ADAM18: variants seen among roughly 807,000 people sequenced by gnomAD.
ADAM18 encodes the protein disintegrin and metalloproteinase domain-containing protein 18.
A neutral mutation model predicts 94.4 loss-of-function variants in ADAM18; 117 were observed. The observed-to-expected ratio is 1.24, with a 90% CI of 1.07 to 1.45. The LOEUF (loss-of-function observed/expected upper bound fraction) is 1.45. ADAM18 is among the 40% of genes most tolerant of loss of function. The probability of loss-of-function intolerance (pLI) is 0.00; values close to 1 mark genes in which losing one functional copy is unlikely to be tolerated. For missense variants in ADAM18, 936 were observed against 880.0 expected (o/e 1.06, Z -0.81); for synonymous variants, 327 against 291.6 (o/e 1.12, Z -1.24).
intron 18 of ADAM18, among the ~76,000 whole-genome samples, chr8:39,716,219 T>A (rs1178025112): frequency 1.3e-5 from 2 of 151,874 alleles, no homozygotes; most frequent in African/African-American, 4.8e-5. Context: ...ATACTTGCTA[T>A]TTTTTTTCTG....
intron 19 of ADAM18, among the ~76,000 whole-genome samples, chr8:39,724,588 A>AC (rs1822848840): frequency 6.6e-6 from 1 of 151,584 alleles, no homozygotes; most frequent in Non-Finnish European, 1.5e-5. Context: ...TTTCTTATCT[A>AC]CTTTTTTTTC....
chr8:39,617,487 G>A (rs913759873), intron 6 of ADAM18, among the ~76,000 whole-genome samples: 1 of 152,046 alleles, frequency 6.6e-6, no homozygotes, highest in Non-Finnish European at 1.5e-5. Context: ...CCATTATTGG[G>A]TATATACCCA....
rs1203550830 is a variant in ADAM18, at chr8:39,586,800, CTA to C, written c.132+1452_132+1453del. On this transcript the variant is annotated intron_variant, in intron 2 of 19. Transcript: ENST00000265707. ...TCTATCTATCTATCTATCTATCTAT[CTA>C]TATCTATCTATCTATCATCTATTCT... Among the ~76,000 whole-genome samples, 708 of 120,344 alleles carry C rather than the reference CTA, an allele frequency of 5.9e-3. 4 individuals carry two copies. Among genetic ancestry groups the C allele is most frequent in the Admixed American group, 0.018 (201 of 11,330 alleles). 79.0% of individuals were successfully genotyped at this position (120,344 alleles called of 152,430 possible).
chr8:39,625,917 C>T (rs1184161864), intron 6 of ADAM18, among the ~76,000 whole-genome samples: 3 of 152,098 alleles, frequency 2.0e-5, no homozygotes, highest in African/African-American at 4.8e-5. Flanking sequence ...TTATTGGATT[C>T]TATTTGCTAG....
chr8:39,706,139 AT>A (rs1822236519), intron 17 of ADAM18, among the ~76,000 whole-genome samples: 1 of 152,150 alleles, frequency 6.6e-6, no homozygotes, highest in African/African-American at 2.4e-5. Context: ...CTGTAGAAAT[AT>A]TAATACAAAG....
chr8:39,608,327 A>G (rs1819154560), intron 3 of ADAM18, among the ~76,000 whole-genome samples: 1 of 151,714 alleles, frequency 6.6e-6, no homozygotes, highest in African/African-American at 2.4e-5. Flanking sequence ...TATTCTCAAC[A>G]CAGTGCTGAT....
intron 2 of ADAM18, among the ~76,000 whole-genome samples, chr8:39,595,190 G>A (rs1388454681): frequency 6.6e-6 from 1 of 152,062 alleles, no homozygotes; most frequent in Admixed American, 6.5e-5. Context: ...CCATGCTGTG[G>A]TTGAGCCCTT....
chr8:39,722,046 T>C (rs1380608136), intron 18 of ADAM18, among the ~76,000 whole-genome samples: 1 of 150,352 alleles, frequency 6.7e-6, no homozygotes, highest in East Asian at 1.9e-4. Flanking sequence ...CACACACATA[T>C]ATATTTATCA....
In ADAM18 at chr8:39,610,593, G is replaced by T. The variant is rs761823550; in HGVS notation, c.409G>T (p.Glu137Ter). Reference protein sequence around the residue: ...IEPVESSARFEHIIYQMKNND... With the variant: ...IEPVESSARF ...ACCAGTAGAATCTTCAGCAAGATTTGAGCATATAATTTATCAAATGAAAAA... is the reference window on the plus strand; with the variant it reads ...ACCAGTAGAATCTTCAGCAAGATTTTAGCATATAATTTATCAAATGAAAAA... The change falls in exon 6 of 20, where the codon GAG becomes TAG. Residue 137 changes from glutamate (E) to a stop codon, truncating the protein, a stop_gained. Coordinates refer to ENST00000265707, the MANE Select transcript of ADAM18 (RefSeq NM_014237.3). LOFTEE classifies it high-confidence loss of function. The T allele has an allele frequency of 6.2e-7, 1 of 1,612,206 alleles. No homozygotes were observed. The highest frequency in any genetic ancestry group is 2.2e-5 in the East Asian group (1 of 44,708).
intron 2 of ADAM18, among the ~76,000 whole-genome samples, chr8:39,590,678 C>T (rs2129458008): frequency 6.6e-6 from 1 of 152,122 alleles, no homozygotes; most frequent in South Asian, 2.1e-4. Flanking sequence ...CTTTAATTTC[C>T]AAAATAAATT....
At chr8:39,649,856 C>CAT (rs1820480453) in intron 12 of ADAM18, among the ~76,000 whole-genome samples, 2 of 152,222 alleles carry the variant, frequency 1.3e-5, no homozygotes, top group Non-Finnish European at 2.9e-5. Context: ...TTTTCTATAT[C>CAT]ATAGTTCTTT....
At chr8:39,658,040 T>C (rs1820734969) in intron 12 of ADAM18, among the ~76,000 whole-genome samples, 1 of 152,154 alleles carries the variant, frequency 6.6e-6, no homozygotes, top group African/African-American at 2.4e-5. Flanking sequence ...TCAAAACACA[T>C]AGGGAATTGT....
intron 17 of ADAM18, among the ~76,000 whole-genome samples, chr8:39,697,478 A>G (rs1231565358): frequency 6.6e-6 from 1 of 151,604 alleles, no homozygotes; most frequent in Non-Finnish European, 1.5e-5. Flanking sequence ...TCTTTCTTGA[A>G]TGACTGGTTG....
chr8:39,611,330 G>A, intron 6 of ADAM18: 1 of 612,528 alleles, frequency 1.6e-6, no homozygotes, highest in Non-Finnish European at 2.0e-6. Context: ...TCTATGAATG[G>A]ATCTCTTTGT....
intron 17 of ADAM18, among the ~76,000 whole-genome samples, chr8:39,700,890 G>A (rs1005471922): frequency 2.0e-5 from 3 of 151,380 alleles, no homozygotes; most frequent in Admixed American, 6.6e-5. Context: ...CGAGGCGGGC[G>A]GATCACGAGG....
intron 9 of ADAM18, 75 bp from the exon 10 acceptor site, chr8:39,638,387 TGAA>T (rs764187669): frequency 1.4e-5 from 13 of 946,432 alleles, no homozygotes; most frequent in South Asian, 4.0e-5. Context: ...AAATTTTATG[TGAA>T]GAAGGTTTAA....
chr8:39,616,287 G>A lies in ADAM18; in HGVS notation c.522+5581G>A, dbSNP rs549820825. Among the ~76,000 whole-genome samples, 8 of 152,146 alleles carry A rather than the reference G, an allele frequency of 5.3e-5. No individual in the cohort carries two copies. In the South Asian group the frequency reaches 1.2e-3, roughly 24 times the overall value. ...TGGTGGCGTGCACGTGTATTCCCAT[G>A]TATTCCCAGTTACTGGAAAGGCTGA... On this transcript the variant is annotated intron_variant, in intron 6 of 19. Coordinates refer to ENST00000265707, the MANE Select transcript of ADAM18 (RefSeq NM_014237.3).
chr8:39,590,330 C>T (rs1202765029), intron 2 of ADAM18, among the ~76,000 whole-genome samples: 2 of 151,926 alleles, frequency 1.3e-5, no homozygotes, highest in African/African-American at 4.8e-5. Flanking sequence ...TAAACTATCG[C>T]AAGAACAAAA....
chr8:39,672,160 G>A (rs1415293480), intron 14 of ADAM18, among the ~76,000 whole-genome samples: 3 of 152,148 alleles, frequency 2.0e-5, no homozygotes, highest in Non-Finnish European at 4.4e-5. Flanking sequence ...TCAGGGAAGT[G>A]GGAATACTGT....
Sources: gnomAD v4.1 joint callset for allele counts (sites outside exome capture counted in the v4.1 genomes callset) on GRCh38, gnomAD v4.1.1 for gene constraint, MANE v1.5 for transcripts, NCBI Gene and HGNC (gene_info 2026-07-23, HGNC 2026-07-21) for gene names.